The following ITM2C variants were observed in gnomAD, a reference collection of about 807,000 sequenced individuals.
ITM2C encodes the protein integral membrane protein 2C.
Under a neutral mutation model 30.0 loss-of-function variants are expected in ITM2C, and 20 were observed. That is an observed-to-expected ratio of 0.67 (90% CI 0.47 to 0.97). The LOEUF (loss-of-function observed/expected upper bound fraction) is 0.97, where lower values mean the gene tolerates loss of function less well. Among genes scored for constraint, ITM2C ranks in the 50% least tolerant of loss-of-function variants. ITM2C has a pLI of 0.00. For missense variants in ITM2C, 366 were observed against 371.9 expected, an observed-to-expected ratio of 0.98 and a Z score of 0.13; for synonymous variants, 167 against 156.4, an observed-to-expected ratio of 1.07 and a Z score of -0.51.
Position 230,877,548 on chromosome 2 carries a change from G to T in ITM2C, c.710G>T (p.Arg237Met). Residue 237 changes from arginine (R) to methionine (M), a missense_variant and splice_region_variant, in exon 5 of 6, where the codon AGG becomes ATG. Arg to Met is a moderately conservative substitution (Grantham distance 91). Coordinates refer to ENST00000326427, the MANE Select transcript of ITM2C (RefSeq NM_030926.6). The surrounding 1 kb of genome is among the most constrained non-coding windows in gnomAD (Gnocchi z 4.8). The part of the protein sequence containing the change: ...TYRLRRRATR[R>M]RINKRGAKNC... ...CGGCTCCGGCGCCGGGCAACGCGGA[G>T]GCGTGAGTGGCTGGCTTCACCCACA... 6.2e-7 allele frequency: 1 copy of T among 1,613,370 alleles called. No homozygotes were observed. The highest frequency in any genetic ancestry group is 8.5e-7 in the Non-Finnish European group (1 of 1,180,018).
rs141047845 is a variant in ITM2C, at chr2:230,873,702, G to A, written c.261+145G>A. The stretch of plus-strand genomic sequence containing the variant: ...GAGTGCCCGGCCAGCCCACAAGACT[G>A]GGGTGCCCCCTCCTCCTTGGGGCCT... On this transcript the variant is annotated intron_variant, in intron 2 of 5. Transcript: ENST00000326427. The A allele has an allele frequency of 4.3e-4, 322 of 753,894 alleles. 1 individual carries two copies. The African/African-American group carries it at 5.1e-3, about 12-fold the overall frequency. The allele number at this position is 753,894 out of a possible 1,614,324, so 46.7% of individuals were successfully genotyped here.
Position 230,864,997 on chromosome 2 carries a change from G to GA in ITM2C, c.-29_-28insA. On this transcript the variant is annotated 5_prime_UTR_variant, in exon 1 of 6. Transcript: ENST00000326427. This position sits in a 1 kb window ranked among gnomAD's most constrained non-coding sequence, Gnocchi z 4.3. ...GACCGAGGCTGCACCGGCAGAGGCT[G>GA]CGGGGCGGACGCGCGGGCCGGCGCA... 6.9e-7 allele frequency: 1 copy of GA among 1,450,052 alleles called. No individual in the cohort carries two copies. The allele number at this position is 1,450,052 out of a possible 1,614,324, so 89.8% of individuals were successfully genotyped here. A position where few individuals can be genotyped will look rare whatever the true frequency, so the allele number is the denominator to read the frequency against.
Position 230,877,795 on chromosome 2 carries a change from G to T in ITM2C, c.713-213G>T, listed in dbSNP as rs1041001457. ...AAGATGAGGAAACAGGTGCAGAGAG[G>T]TTAACACCCTGGAGGTCACACAGCA... On this transcript the variant is annotated intron_variant, in intron 5 of 5. Transcript: ENST00000326427. The surrounding 1 kb of genome is among the most constrained non-coding windows in gnomAD (Gnocchi z 4.8). Among the ~76,000 whole-genome samples the T allele has an allele frequency of 3.9e-5, 6 of 152,230 alleles. No homozygotes were observed. The highest frequency in any genetic ancestry group is 2.0e-4 in the Admixed American group (3 of 15,286).
Position 230,865,073 on chromosome 2 carries a change from C to T in ITM2C, c.48C>T (p.Asp16=). ...FQPAVAGIKG[D]KADKASASAP... ...CCGCCGTGGCTGGCATCAAGGGCGA[C>T]AAGGCTGACAAGGCGTCGGCGTCGG... The change falls in exon 1 of 6, where the codon GAC becomes GAT. Residue 16 remains aspartate, a synonymous_variant. Transcript: ENST00000326427. The surrounding 1 kb of genome is among the most constrained non-coding windows in gnomAD (Gnocchi z 6.8). 6.5e-7 allele frequency: 1 copy of T among 1,537,194 alleles called. No homozygotes were observed. The highest frequency in any genetic ancestry group is 8.8e-7 in the Non-Finnish European group (1 of 1,139,272).
intron 2 of ITM2C, among the ~76,000 whole-genome samples, chr2:230,873,809 C>G (rs1697226488): frequency 6.6e-6 from 1 of 152,226 alleles, no homozygotes; most frequent in Non-Finnish European, 1.5e-5. Flanking sequence ...CTGGGCCCGC[C>G]CCACAGGGTC....
chr2:230,865,311 G>A lies in ITM2C; in HGVS notation c.120+166G>A. The A allele has an allele frequency of 1.4e-6, 1 of 694,420 alleles. No homozygotes were observed. Among genetic ancestry groups the A allele is most frequent in the Non-Finnish European group, 2.0e-6 (1 of 491,372 alleles). 43.0% of individuals were successfully genotyped at this position (694,420 alleles called of 1,614,324 possible). On this transcript the variant is annotated intron_variant, in intron 1 of 5. Transcript: ENST00000326427. The surrounding 1 kb of genome is among the most constrained non-coding windows in gnomAD (Gnocchi z 6.8). ...GTTGCTTATCCCAGAATGAGGAGGG[G>A]GCTTAAGTCCCGTACTAAAGCGGCA...
Position 230,876,830 on chromosome 2 carries a change from G to A in ITM2C, c.451-27G>A, listed in dbSNP as rs201628895. On this transcript the variant is annotated intron_variant, in intron 3 of 5. Transcript: ENST00000326427. Reference sequence around the variant, plus strand: ...TGGGTCAGCTGTCACCTCCTGCAGAGACTGACCCAACCCCTTCTCCTGCCA... The same window carrying A: ...TGGGTCAGCTGTCACCTCCTGCAGAAACTGACCCAACCCCTTCTCCTGCCA... 3.7e-5 allele frequency: 56 copies of A among 1,520,024 alleles called. No homozygotes were observed. In the Middle Eastern group the frequency reaches 5.1e-4, roughly 14 times the overall value. 94.2% of individuals were successfully genotyped at this position (1,520,024 alleles called of 1,614,324 possible). A position where few individuals can be genotyped will look rare whatever the true frequency, so the allele number is the denominator to read the frequency against.
intron 3 of ITM2C, among the ~76,000 whole-genome samples, 167 bp from the exon 4 acceptor site, chr2:230,876,690 T>A (rs996257302): frequency 1.3e-5 from 2 of 151,770 alleles, no homozygotes; most frequent in Non-Finnish European, 2.9e-5. Context: ...ACCATGTTAG[T>A]CAGGATGGTC....
rs35084476 is a variant in ITM2C at position 230,877,499 on chromosome 2, C to G, written c.661C>G (p.Leu221Val). ...KEALGSFIYH[L>V]CNGKDTYRLR... is the part of the protein sequence containing the mutation. The stretch of plus-strand genomic sequence containing the variant: ...GGCCCTGGGGTCCTTCATCTACCAC[C>G]TGTGCAACGGGAAAGACACCTACCG... The change falls in exon 5 of 6, where the codon CTG (leucine) becomes GTG (valine). Residue 221 changes from leucine to valine, a missense_variant. Leu to Val is a conservative substitution (Grantham distance 32). Transcript: ENST00000326427. The surrounding 1 kb of genome is among the most constrained non-coding windows in gnomAD (Gnocchi z 4.8). 6.2e-7 allele frequency: 1 copy of G among 1,613,942 alleles called. No individual in the cohort carries two copies. The highest frequency in any genetic ancestry group is 8.5e-7 in the Non-Finnish European group (1 of 1,180,022).
At position 230,875,724 on chromosome 2, in the gene ITM2C, C is replaced by G; in HGVS notation, c.366C>G (p.Leu122=). The G allele has an allele frequency of 6.2e-7, 1 of 1,613,670 alleles. No individual in the cohort carries two copies. The highest frequency in any genetic ancestry group is 8.5e-7 in the Non-Finnish European group (1 of 1,179,966). ...MELEEDVKIY[L]DENYERINVP... is the part of the protein sequence containing the mutation. ...TGGAAGAGGATGTGAAAATCTACCT[C>G]GACGAGAACTACGAGCGCATCAACG... The change falls in exon 3 of 6, where the codon CTC becomes CTG. Residue 122 remains leucine (L), a synonymous_variant. Coordinates refer to ENST00000326427, the MANE Select transcript of ITM2C (RefSeq NM_030926.6).
chr2:230,867,842 A>T (rs1247964607), intron 1 of ITM2C, among the ~76,000 whole-genome samples: 1 of 151,964 alleles, frequency 6.6e-6, no homozygotes, highest in African/African-American at 2.4e-5. Flanking sequence ...TATTTTTAGT[A>T]GAGACAGGGT....
In ITM2C at chr2:230,878,671, T is replaced by C. The variant is rs1690004595; in HGVS notation, c.*572T>C. ...GGGGGTGTCCCAGGGACTCTGTCAG[T>C]GCCTTCAGCCCACCAGCAGGAGCTT... is the stretch of plus-strand genomic sequence containing the variant. On this transcript the variant is annotated 3_prime_UTR_variant, in exon 6 of 6. Coordinates refer to ENST00000326427, the MANE Select transcript of ITM2C (RefSeq NM_030926.6). The surrounding 1 kb of genome is among the most constrained non-coding windows in gnomAD (Gnocchi z 4.5). 1 of 152,928 alleles carries C rather than the reference T, an allele frequency of 6.5e-6. No individual in the cohort carries two copies. The highest frequency in any genetic ancestry group is 2.4e-5 in the African/African-American group (1 of 41,434). The allele number at this position is 152,928 out of a possible 1,614,324, so 9.5% of individuals were successfully genotyped here. A position where few individuals can be genotyped will look rare whatever the true frequency, so the allele number is the denominator to read the frequency against.
rs1697334272 is a variant in ITM2C, at chr2:230,877,478, C to T, written c.640C>T (p.Leu214=). 6.2e-7 allele frequency: 1 copy of T among 1,613,912 alleles called. No homozygotes were observed. Among genetic ancestry groups the T allele is most frequent in the Non-Finnish European group, 8.5e-7 (1 of 1,179,950 alleles). Residue 214 remains leucine, a synonymous_variant, in exon 5 of 6, where the codon CTG becomes TTG. Transcript: ENST00000326427. The surrounding 1 kb of genome is among the most constrained non-coding windows in gnomAD (Gnocchi z 4.8). ...GGAGCATGTCAGTGACAAGGAGGCC[C>T]TGGGGTCCTTCATCTACCACCTGTG... The part of the protein sequence containing the change: ...VTEHVSDKEA[L]GSFIYHLCNG...
Position 230,875,701 on chromosome 2 carries a change from G to T in ITM2C, c.343G>T (p.Glu115Ter), listed in dbSNP as rs1423821767. ...SSQVRTQMELEEDVKIYLDEN... is the reference protein window; with the variant it reads ...SSQVRTQMEL The stretch of plus-strand genomic sequence containing the variant: ...CCAGGTCCGGACTCAGATGGAGCTG[G>T]AAGAGGATGTGAAAATCTACCTCGA... The change falls in exon 3 of 6, where the codon GAA (glutamate) becomes TAA (stop). Residue 115 changes from glutamate (E) to a stop codon, truncating the protein, a stop_gained. Transcript: ENST00000326427. LOFTEE classifies it high-confidence loss of function. The T allele has an allele frequency of 1.2e-6, 2 of 1,614,052 alleles. No homozygotes were observed. The highest frequency in any genetic ancestry group is 1.7e-6 in the Non-Finnish European group (2 of 1,179,978).
chr2:230,865,613 G>A lies in ITM2C; in HGVS notation c.120+468G>A, dbSNP rs1697007947. On this transcript the variant is annotated intron_variant, in intron 1 of 5. Transcript: ENST00000326427. The surrounding 1 kb of genome is among the most constrained non-coding windows in gnomAD (Gnocchi z 6.8). Reference sequence around the variant, plus strand: ...GGGACCTGATTGGCTGGGGAATTGGGGGTGGGGGGGTCTGGTACCAACGAA... The same window carrying A: ...GGGACCTGATTGGCTGGGGAATTGGAGGTGGGGGGGTCTGGTACCAACGAA... 1 of 150,228 alleles carries A rather than the reference G, an allele frequency of 6.7e-6. No homozygotes were observed. Among genetic ancestry groups the A allele is most frequent in the Non-Finnish European group, 1.5e-5 (1 of 67,674 alleles). 9.3% of individuals were successfully genotyped at this position (150,228 alleles called of 1,614,324 possible).
chr2:230,873,461 G>A lies in ITM2C; in HGVS notation c.165G>A (p.Val55=). Residue 55 remains valine (V), a synonymous_variant, in exon 2 of 6, where the codon GTG becomes GTA. Coordinates refer to ENST00000326427, the MANE Select transcript of ITM2C (RefSeq NM_030926.6). ...PQHRSKRGGS[V]GGVCYLSMGM... ...ATCGATCCAAGAGGGGGGGCTCAGT[G>A]GGCGGCGTGTGCTACCTGTCGATGG... 4 of 1,609,020 alleles carry A rather than the reference G, an allele frequency of 2.5e-6. No individual in the cohort carries two copies. Among genetic ancestry groups the A allele is most frequent in the Non-Finnish European group, 3.4e-6 (4 of 1,177,682 alleles).
At chr2:230,867,705 G>A (rs1697063226) in intron 1 of ITM2C, among the ~76,000 whole-genome samples, 1 of 150,474 alleles carries the variant, frequency 6.6e-6, no homozygotes. Context: ...TTTTACCCAG[G>A]CTAGAGTTCC....
At chr2:230,875,555 G>A in intron 2 of ITM2C, 65 bp from the exon 3 acceptor site, 1 of 1,412,608 alleles carries the variant, frequency 7.1e-7, no homozygotes, top group South Asian at 1.4e-5. Flanking sequence ...GGCAAGAGGG[G>A]GCCTTACGGA....
intron 1 of ITM2C, among the ~76,000 whole-genome samples, chr2:230,872,819 C>G (rs573730854): frequency 6.6e-6 from 1 of 152,274 alleles, no homozygotes; most frequent in Admixed American, 6.5e-5. Flanking sequence ...GTCACAGCCT[C>G]CTTGGTGGAG....
Sources: allele counts gnomAD v4.1 joint callset (sites outside exome capture counted in the v4.1 genomes callset), GRCh38; gene constraint gnomAD v4.1.1; non-coding constraint Gnocchi (gnomAD v3.1); transcripts MANE v1.5; gene names NCBI Gene and HGNC (gene_info 2026-07-23, HGNC 2026-07-21).